PVT1: variants seen among roughly 807,000 people sequenced by gnomAD.
PVT1 encodes the protein Pvt1 oncogene, also known as CXCR4/PVT1 fusion.
At chr8:127,833,019 G>A (rs1814870398) in intron 2 of PVT1, among the ~76,000 whole-genome samples, 1 of 152,110 alleles carries the variant, frequency 6.6e-6, no homozygotes, top group Non-Finnish European at 1.5e-5. Flanking sequence ...ACCTTTGAGA[G>A]GAATCTCCCC....
chr8:127,982,785 AATG>A (rs1290703933), intron 3 of PVT1, among the ~76,000 whole-genome samples: 1 of 152,226 alleles, frequency 6.6e-6, no homozygotes, highest in Non-Finnish European at 1.5e-5. Flanking sequence ...AAAGTTTTCC[AATG>A]AAGACTGCCA....
chr8:128,018,768 C>A (rs1817401475), intron 4 of PVT1, among the ~76,000 whole-genome samples: 1 of 87,734 alleles, frequency 1.1e-5, no homozygotes, highest in African/African-American at 5.0e-5. Context: ...ATCTTGCGTC[C>A]TCAGGACAGG....
chr8:127,799,707 A>G (rs1225855578), intron 2 of PVT1, among the ~76,000 whole-genome samples: 2 of 152,202 alleles, frequency 1.3e-5, no homozygotes, highest in Non-Finnish European at 2.9e-5. Flanking sequence ...GATGATGAAC[A>G]GAATGTGTCT....
At chr8:127,970,289 GTTTTTTT>G (rs68010926) in intron 3 of PVT1, among the ~76,000 whole-genome samples, 10 of 49,120 alleles carry the variant, frequency 2.0e-4, no homozygotes, top group East Asian at 1.4e-3. Context: ...GCCATGATTT[GTTTTTTT>G]TTTTTTTTTT....
intron 3 of PVT1, among the ~76,000 whole-genome samples, chr8:127,945,070 G>T (rs556670109): frequency 6.6e-6 from 1 of 152,218 alleles, no homozygotes; most frequent in Non-Finnish European, 1.5e-5. Flanking sequence ...AGTGGGTGGG[G>T]TGAGTGTGTG....
rs1039384291 is a variant in PVT1 at position 127,898,303 on chromosome 8, A to C, written n.782+7305A>C. ...TAAAAGGCTGTAAAGAAATAAAATA[A>C]TGTAAAGAAAGAAAATAATGTAAAG... On this transcript the variant is annotated intron_variant and non_coding_transcript_variant, in intron 3 of 10. Coordinates refer to ENST00000651587, the Ensembl canonical transcript of PVT1. This position sits in a 1 kb window ranked among gnomAD's most constrained non-coding sequence, Gnocchi z 4.4. Among the ~76,000 whole-genome samples, 3 of 151,786 alleles carry C rather than the reference A, an allele frequency of 2.0e-5. No homozygotes were observed. The highest frequency in any genetic ancestry group is 2.9e-5 in the Non-Finnish European group (2 of 67,902).
At chr8:127,934,491 C>T (rs58353043) in intron 3 of PVT1, among the ~76,000 whole-genome samples, 3,359 of 152,192 alleles carry the variant, frequency 0.022, 120 homozygotes, top group African/African-American at 0.076. Context: ...CCTCAGTGAT[C>T]GCTGAAATAG....
chr8:127,863,135 C>G (rs547875739), intron 2 of PVT1, among the ~76,000 whole-genome samples: 1 of 147,422 alleles, frequency 6.8e-6, no homozygotes, highest in South Asian at 2.2e-4. Flanking sequence ...TTTCCGAGAC[C>G]GTGTCTTGCT....
At position 128,050,087 on chromosome 8, in the gene PVT1, C is replaced by A. The variant is rs75320576; in HGVS notation, n.913-20073C>A. ...CCTCCTGAGTTTTGGGAAGTCCTGG[C>A]CTGTGCAGCCTAATTCTCAAGTACT... On this transcript the variant is annotated intron_variant and non_coding_transcript_variant, in intron 4 of 10. Transcript: ENST00000651587. Among the ~76,000 whole-genome samples, 470 of 152,282 alleles carry A rather than the reference C, an allele frequency of 3.1e-3. 2 individuals carry two copies. Among genetic ancestry groups the A allele is most frequent in the African/African-American group, 0.011 (449 of 41,538 alleles).
chr8:127,951,159 G>A (rs144066320), intron 3 of PVT1, among the ~76,000 whole-genome samples: 16 of 152,268 alleles, frequency 1.1e-4, no homozygotes, highest in African/African-American at 3.9e-4. Context: ...GCCTCCCAAA[G>A]TGCTGGGATT....
At chr8:128,017,692 C>T (rs1186808003) in intron 4 of PVT1, among the ~76,000 whole-genome samples, 1 of 152,082 alleles carries the variant, frequency 6.6e-6, no homozygotes, top group Non-Finnish European at 1.5e-5. Context: ...CTGCCTCGGC[C>T]TCCCAAAGTG....
chr8:127,861,024 C>T (rs1181819979), intron 2 of PVT1, among the ~76,000 whole-genome samples: 1 of 152,150 alleles, frequency 6.6e-6, no homozygotes, highest in Non-Finnish European at 1.5e-5. Flanking sequence ...GTACTGATAT[C>T]GTGTTGCCTT....
chr8:128,064,343 G>T (rs548777244), intron 4 of PVT1, among the ~76,000 whole-genome samples: 2 of 152,276 alleles, frequency 1.3e-5, no homozygotes, highest in Non-Finnish European at 2.9e-5. Context: ...GGCTCACGTG[G>T]GCAGAAGCAC....
At chr8:128,095,789 G>A (rs954559381) in intron 5 of PVT1, among the ~76,000 whole-genome samples, 5 of 152,206 alleles carry the variant, frequency 3.3e-5, no homozygotes, top group Admixed American at 6.5e-5. Context: ...GCGGTCAGCC[G>A]CAAGTTGAAA....
chr8:127,945,111 AATG>A (rs1212340178), intron 3 of PVT1, among the ~76,000 whole-genome samples: 1 of 152,174 alleles, frequency 6.6e-6, no homozygotes, highest in Non-Finnish European at 1.5e-5. Flanking sequence ...GAGAATGAAC[AATG>A]AACAGTGGCC....
intron 3 of PVT1, among the ~76,000 whole-genome samples, chr8:127,975,700 T>A (rs1349542399): frequency 6.6e-6 from 1 of 152,236 alleles, no homozygotes; most frequent in African/African-American, 2.4e-5. Flanking sequence ...AACTTAACAG[T>A]TGTCCCCCTA....
chr8:127,893,606 C>T (rs1247555915), intron 3 of PVT1, among the ~76,000 whole-genome samples: 1 of 152,228 alleles, frequency 6.6e-6, no homozygotes, highest in Non-Finnish European at 1.5e-5. Flanking sequence ...CTAGAGAATA[C>T]AAGCAGCATT....
At chr8:127,960,735 G>A (rs1420492646) in intron 3 of PVT1, 6 of 488,586 alleles carry the variant, frequency 1.2e-5, no homozygotes, top group Admixed American at 7.4e-5. Context: ...ATAGATAACT[G>A]TTTTCTGTTT....
At chr8:127,829,431 T>C (rs2129694774) in intron 2 of PVT1, among the ~76,000 whole-genome samples, 1 of 152,358 alleles carries the variant, frequency 6.6e-6, no homozygotes, top group African/African-American at 2.4e-5. Context: ...TAGCCAGTTC[T>C]TCTCTCCTTG....
Sources: gnomAD v4.1 joint callset for allele counts (sites outside exome capture counted in the v4.1 genomes callset) on GRCh38, gnomAD v4.1.1 for gene constraint, Gnocchi (gnomAD v3.1) non-coding constraint, MANE v1.5 for transcripts, NCBI Gene and HGNC (gene_info 2026-07-23, HGNC 2026-07-21) for gene names.